PPFIBP1: variants seen among roughly 807,000 people sequenced by gnomAD.
PPFIBP1 encodes the protein PPFIB scaffold protein 1.
Under a neutral mutation model 137.8 loss-of-function variants are expected in PPFIBP1, and 112 were observed. The observed-to-expected ratio is 0.81, with a 90% CI of 0.70 to 0.95. PPFIBP1 has a LOEUF of 0.95. PPFIBP1 is among the 40% of genes least tolerant of loss of function. The pLI is 0.00. For missense variants in PPFIBP1, 1,083 were observed against 1,196.6 expected (o/e 0.91, Z 1.40); for synonymous variants, 378 against 417.3 (o/e 0.91, Z 1.15).
chr12:27,526,235 A>G (rs1943736952), intron 1 of PPFIBP1, among the ~76,000 whole-genome samples: 1 of 152,180 alleles, frequency 6.6e-6, no homozygotes, highest in African/African-American at 2.4e-5. Flanking sequence ...AAAGAAGAGT[A>G]TCTTTAGGAT....
At chr12:27,661,016 A>G (rs2059511376) in intron 11 of PPFIBP1, 71 bp downstream of exon 11, 4 of 1,583,002 alleles carry the variant, frequency 2.5e-6, no homozygotes, top group Non-Finnish European at 3.4e-6. Context: ...ATGCAATTTC[A>G]TGAGCTATGC....
intron 1 of PPFIBP1, among the ~76,000 whole-genome samples, chr12:27,539,439 T>A (rs1317151114): frequency 2.0e-5 from 3 of 152,232 alleles, no homozygotes; most frequent in African/African-American, 7.2e-5. Context: ...TCTGTGGAGA[T>A]AATTTTGGTG....
intron 2 of PPFIBP1, chr12:27,594,172 C>CAAT: frequency 4.0e-6 from 1 of 252,774 alleles, no homozygotes; most frequent in African/African-American, 2.6e-5. Context: ...ATCCCCTTTT[C>CAAT]TATTTTTTTT....
At chr12:27,599,122 A>T (rs1234754338) in intron 2 of PPFIBP1, among the ~76,000 whole-genome samples, 5 of 152,340 alleles carry the variant, frequency 3.3e-5, no homozygotes, top group South Asian at 2.1e-4. Flanking sequence ...GCTTAATTTT[A>T]TGTTTCATCT....
intron 4 of PPFIBP1, among the ~76,000 whole-genome samples, chr12:27,645,297 T>G (rs2058393166): frequency 1.3e-5 from 2 of 152,220 alleles, no homozygotes; most frequent in Admixed American, 1.3e-4. Flanking sequence ...TGCTTTTAGG[T>G]TTTCTGTTCT....
chr12:27,610,941 A>G (rs1208968175), intron 2 of PPFIBP1, among the ~76,000 whole-genome samples: 1 of 149,276 alleles, frequency 6.7e-6, no homozygotes, highest in Non-Finnish European at 1.5e-5. Flanking sequence ...TGAGGTGGGG[A>G]AAATAGGAAA....
intron 2 of PPFIBP1, among the ~76,000 whole-genome samples, chr12:27,603,994 T>C (rs2054265405): frequency 6.6e-6 from 1 of 152,002 alleles, no homozygotes; most frequent in African/African-American, 2.4e-5. Flanking sequence ...AAGAGCAGAG[T>C]TGGCATTTTA....
chr12:27,687,736 G>A (rs1164353128), intron 25 of PPFIBP1, among the ~76,000 whole-genome samples: 1 of 151,892 alleles, frequency 6.6e-6, no homozygotes, highest in African/African-American at 2.4e-5. Flanking sequence ...CCTTTTCTTG[G>A]GTGTATTTTT....
At chr12:27,666,111 GAAAA>G (rs34185356) in intron 12 of PPFIBP1, among the ~76,000 whole-genome samples, 86,217 of 151,550 alleles carry the variant, frequency 0.57, 24,680 homozygotes, top group East Asian at 0.77. Context: ...GGAAAATAAA[GAAAA>G]GAGATAAAAA....
Position 27,634,954 on chromosome 12 carries a change from TCTCCCAC to T in PPFIBP1, c.113_119del (p.Pro38LeufsTer20). The T allele has an allele frequency of 6.2e-7, 1 of 1,614,130 alleles. No homozygotes were observed. Among genetic ancestry groups the T allele is most frequent in the Non-Finnish European group, 8.5e-7 (1 of 1,179,988 alleles). ...TTCCAATGGGATTTTTGATTGCCAA[TCTCCCAC>T]CTCTCCATTCATGGGAAGTTTGCGA... On this transcript the variant is annotated frameshift_variant, in exon 4 of 30. Coordinates refer to ENST00000228425, the MANE Select transcript of PPFIBP1 (RefSeq NM_003622.4). LOFTEE classifies it high-confidence loss of function.
At chr12:27,685,581 G>A (rs2061156633) in intron 24 of PPFIBP1, among the ~76,000 whole-genome samples, 1 of 152,094 alleles carries the variant, frequency 6.6e-6, no homozygotes. Context: ...AGAAGCATCT[G>A]TGAAATGGCT....
intron 1 of PPFIBP1, among the ~76,000 whole-genome samples, chr12:27,554,489 T>C (rs1435737474): frequency 6.6e-6 from 1 of 152,172 alleles, no homozygotes; most frequent in Non-Finnish European, 1.5e-5. Flanking sequence ...AAATAATCCG[T>C]ACAAACGATG....
At chr12:27,544,070 TA>T (rs11307153) in intron 1 of PPFIBP1, among the ~76,000 whole-genome samples, 11,384 of 151,926 alleles carry the variant, frequency 0.075, 662 homozygotes, top group East Asian at 0.27. Flanking sequence ...TAATTAGACA[TA>T]AGGTCTGGCT....
intron 2 of PPFIBP1, among the ~76,000 whole-genome samples, chr12:27,595,886 A>T (rs56158331): frequency 3.9e-5 from 4 of 102,436 alleles, no homozygotes; most frequent in African/African-American, 1.0e-4. Context: ...ACAACAACAA[A>T]ATATATATAT....
intron 1 of PPFIBP1, among the ~76,000 whole-genome samples, chr12:27,535,107 C>T (rs1944844887): frequency 6.6e-6 from 1 of 152,072 alleles, no homozygotes; most frequent in Non-Finnish European, 1.5e-5. Flanking sequence ...TTCAGCTGGG[C>T]CAACTATAGA....
chr12:27,530,469 G>A (rs1279696282), intron 1 of PPFIBP1, among the ~76,000 whole-genome samples: 1 of 152,190 alleles, frequency 6.6e-6, no homozygotes, highest in Non-Finnish European at 1.5e-5. Context: ...CCCCATCAAT[G>A]TGTGACTTTG....
intron 4 of PPFIBP1, among the ~76,000 whole-genome samples, chr12:27,641,900 G>C (rs574632992): frequency 1.3e-5 from 2 of 151,998 alleles, no homozygotes; most frequent in African/African-American, 2.4e-5. Context: ...GTCCCCTCCC[G>C]TTGTATGGGA....
intron 2 of PPFIBP1, among the ~76,000 whole-genome samples, chr12:27,581,642 G>A (rs1009143741): frequency 6.6e-6 from 1 of 152,106 alleles, no homozygotes; most frequent in Non-Finnish European, 1.5e-5. Flanking sequence ...TGTGGGGATT[G>A]GGGTTTTCTA....
At chr12:27,660,808 G>A (rs1282285205) in intron 10 of PPFIBP1, 76 bp from the exon 11 acceptor site, 16 of 1,546,286 alleles carry the variant, frequency 1.0e-5, no homozygotes, top group African/African-American at 2.8e-5. Flanking sequence ...AAATATTTCA[G>A]TCTGGAGAGT....
Sources: gnomAD v4.1 joint callset for allele counts (sites outside exome capture counted in the v4.1 genomes callset) on GRCh38, gnomAD v4.1.1 for gene constraint, MANE v1.5 for transcripts, NCBI Gene and HGNC (gene_info 2026-07-23, HGNC 2026-07-21) for gene names.